Variants in EP400 observed in about 807,000 individuals in gnomAD.
EP400 encodes the protein E1A-binding protein p400.
In EP400, 105 loss-of-function variants were observed where a neutral mutation model predicts 354.1. The ratio of observed to expected loss-of-function variants is 0.30; its 90% CI spans 0.25 to 0.35. The LOEUF is 0.35. EP400 is among the 10% of genes least tolerant of loss of function. The probability of loss-of-function intolerance (pLI) is 1.00; values close to 1 mark genes in which losing one functional copy is unlikely to be tolerated. For missense variants in EP400, 3,280 were observed against 4,121.0 expected, an observed-to-expected ratio of 0.80 and a Z score of 5.59; for synonymous variants, 1,646 against 1,716.9, an observed-to-expected ratio of 0.96 and a Z score of 1.02.
In EP400 at chr12:132,054,631, G is replaced by A. The variant is rs1895420250; in HGVS notation, c.7729-343G>A. On this transcript the variant is annotated intron_variant, in intron 43 of 52. Coordinates refer to ENST00000389561, the MANE Select transcript of EP400 (RefSeq NM_015409.5). This position sits in a 1 kb window ranked among gnomAD's most constrained non-coding sequence, Gnocchi z 4.0. Reference sequence around the variant, plus strand: ...AGAGGCCCTGAGCTTGGCTGATATGGGGGCCAGAAAGCTCAGTGTGGCTGG... The same window carrying A: ...AGAGGCCCTGAGCTTGGCTGATATGAGGGCCAGAAAGCTCAGTGTGGCTGG... 6.6e-6 allele frequency among the ~76,000 whole-genome samples: 1 copy of A among 152,174 alleles called. No homozygotes were observed. Among genetic ancestry groups the A allele is most frequent in the South Asian group, 2.1e-4 (1 of 4,822 alleles).
Position 132,017,255 on chromosome 12 carries a change from C to G in EP400, c.3924-280C>G, listed in dbSNP as rs1893974341. ...TCATCCCCCTTGGATGCCCCCACTTCTCTTTCAGAGCACTCGGTATGATTG... is the reference window on the plus strand; with the variant it reads ...TCATCCCCCTTGGATGCCCCCACTTGTCTTTCAGAGCACTCGGTATGATTG... On this transcript the variant is annotated intron_variant, in intron 19 of 52. Coordinates refer to ENST00000389561, the MANE Select transcript of EP400 (RefSeq NM_015409.5). This position sits in a 1 kb window ranked among gnomAD's most constrained non-coding sequence, Gnocchi z 5.0. Among the ~76,000 whole-genome samples, 1 of 152,246 alleles carries G rather than the reference C, an allele frequency of 6.6e-6. No individual in the cohort carries two copies. The highest frequency in any genetic ancestry group is 1.5e-5 in the Non-Finnish European group (1 of 68,042).
intron 32 of EP400, among the ~76,000 whole-genome samples, chr12:132,040,235 T>C (rs934782920): frequency 2.0e-5 from 3 of 151,902 alleles, no homozygotes; most frequent in African/African-American, 7.3e-5. Context: ...GGCGAGGACA[T>C]GGAGGAAAGG....
intron 47 of EP400, 99 bp from the exon 48 acceptor site, chr12:132,064,569 A>G: frequency 6.8e-7 from 1 of 1,477,328 alleles, no homozygotes; most frequent in Non-Finnish European, 9.1e-7. Context: ...CTGCTTTGGT[A>G]TTTAATGGGC....
chr12:131,952,087 C>T (rs1891523627), intron 1 of EP400, among the ~76,000 whole-genome samples: 1 of 150,220 alleles, frequency 6.7e-6, no homozygotes, highest in Non-Finnish European at 1.5e-5. Flanking sequence ...TGCACCTGGC[C>T]TTTTTTTTTG....
chr12:131,995,047 C>A, intron 12 of EP400, 91 bp downstream of exon 12: 1 of 1,218,884 alleles, frequency 8.2e-7, no homozygotes, highest in Non-Finnish European at 1.2e-6. Flanking sequence ...TGAGTAACAA[C>A]AGCAGCAGTG....
chr12:131,967,472 GA>G (rs1892141001), intron 2 of EP400, among the ~76,000 whole-genome samples: 1 of 151,936 alleles, frequency 6.6e-6, no homozygotes, highest in Admixed American at 6.6e-5. Context: ...CAGATCAGTT[GA>G]GGCCAGGAGT....
chr12:132,070,055 T>C lies in EP400; in HGVS notation c.9021+414T>C, dbSNP rs571155970. Among the ~76,000 whole-genome samples the C allele has an allele frequency of 4.6e-5, 7 of 152,324 alleles. No individual in the cohort carries two copies. Among genetic ancestry groups the C allele is most frequent in the African/African-American group, 1.7e-4 (7 of 41,564 alleles). ...TGAGTTCCTGATTTCATGTGTGCAG[T>C]GTGCCCTCCCGTCTTCCTCTCTGCC... is the stretch of plus-strand genomic sequence containing the variant. On this transcript the variant is annotated intron_variant, in intron 51 of 52. Transcript: ENST00000389561. The surrounding 1 kb of genome is among the most constrained non-coding windows in gnomAD (Gnocchi z 4.1).
In EP400 at chr12:132,038,056, C is replaced by T. The variant is rs201643385; in HGVS notation, c.6167C>T (p.Thr2056Met). ...GTGCTTTCTCAGGAACCTTCTGTCA[C>T]GGAAACCATTGCACCCAAAATTGCA... ...FVVLSQEPSV[T>M]ETIAPKIARP... Residue 2056 changes from threonine to methionine, a missense_variant, in exon 32 of 53, where the codon ACG becomes ATG. Coordinates refer to ENST00000389561, the MANE Select transcript of EP400 (RefSeq NM_015409.5). This position sits in a 1 kb window ranked among gnomAD's most constrained non-coding sequence, Gnocchi z 4.2. 1.8e-5 allele frequency: 29 copies of T among 1,614,064 alleles called. No homozygotes were observed. The highest frequency in any genetic ancestry group is 6.7e-5 in the East Asian group (3 of 44,896).
At position 132,013,315 on chromosome 12, in the gene EP400, A is replaced by G. The variant is rs968506815; in HGVS notation, c.3611+137A>G. The G allele has an allele frequency of 7.8e-6, 11 of 1,416,378 alleles. No individual in the cohort carries two copies. The highest frequency in any genetic ancestry group is 1.0e-5 in the Non-Finnish European group (11 of 1,058,708). 87.7% of individuals were successfully genotyped at this position (1,416,378 alleles called of 1,614,324 possible). ...TTGCTTTTCATCTTCATCCCAGCAC[A>G]TGGGCCAGAGAGCCCCAGAGCTGGG... On this transcript the variant is annotated intron_variant, in intron 17 of 52. Transcript: ENST00000389561. The surrounding 1 kb of genome is among the most constrained non-coding windows in gnomAD (Gnocchi z 4.5).
chr12:131,985,782 AT>A (rs1892834378), intron 5 of EP400, among the ~76,000 whole-genome samples: 1 of 151,860 alleles, frequency 6.6e-6, no homozygotes, highest in Non-Finnish European at 1.5e-5. Flanking sequence ...CTAATTTTGT[AT>A]TTTTAGTAGA....
rs1389100849 is a variant in EP400, at chr12:132,070,320, G to A, written c.9021+679G>A. ...GATAGAAACAGGAATTCAATTTGATGTGCTCTATGAATACCCTATTTTCAG... is the reference window on the plus strand; with the variant it reads ...GATAGAAACAGGAATTCAATTTGATATGCTCTATGAATACCCTATTTTCAG... On this transcript the variant is annotated intron_variant, in intron 51 of 52. Coordinates refer to ENST00000389561, the MANE Select transcript of EP400 (RefSeq NM_015409.5). This position sits in a 1 kb window ranked among gnomAD's most constrained non-coding sequence, Gnocchi z 4.1. Among the ~76,000 whole-genome samples, 1 of 152,214 alleles carries A rather than the reference G, an allele frequency of 6.6e-6. No homozygotes were observed. Among genetic ancestry groups the A allele is most frequent in the Non-Finnish European group, 1.5e-5 (1 of 68,038 alleles).
chr12:131,998,168 A>C (rs964185997), intron 12 of EP400, among the ~76,000 whole-genome samples: 1 of 152,246 alleles, frequency 6.6e-6, no homozygotes, highest in East Asian at 1.9e-4. Context: ...CTGATACCAC[A>C]CTGTCTTTCT....
Position 131,960,889 on chromosome 12 carries a change from A to G in EP400, c.270A>G (p.Thr90=), listed in dbSNP as rs1394862123. The G allele has an allele frequency of 4.3e-6, 7 of 1,613,704 alleles. No individual in the cohort carries two copies. In the Admixed American group the frequency reaches 5.0e-5, roughly 12 times the overall value. The change falls in exon 2 of 53, where the codon ACA becomes ACG. Residue 90 remains threonine, a synonymous_variant. Coordinates refer to ENST00000389561, the MANE Select transcript of EP400 (RefSeq NM_015409.5). ...GPVVGGNQQI[T]LAPLPLPSPT... ...TCGTCGGGGGAAACCAGCAGATCAC[A>G]CTGGCCCCACTGCCGCTCCCCAGCC... is the stretch of plus-strand genomic sequence containing the variant.
At chr12:132,044,071 A>G in intron 34 of EP400, 106 bp from the exon 35 acceptor site, 1 of 1,477,672 alleles carries the variant, frequency 6.8e-7, no homozygotes, top group Non-Finnish European at 9.2e-7. Context: ...CAGTGTGTGT[A>G]GAGAACATGT....
Position 132,045,417 on chromosome 12 carries a change from G to C in EP400, c.6883G>C (p.Glu2295Gln). The C allele has an allele frequency of 6.2e-7, 1 of 1,614,248 alleles. No homozygotes were observed. Among genetic ancestry groups the C allele is most frequent in the East Asian group, 2.2e-5 (1 of 44,880 alleles). Residue 2295 changes from glutamate to glutamine, a missense_variant, in exon 38 of 53, where the codon GAG becomes CAG. Coordinates refer to ENST00000389561, the MANE Select transcript of EP400 (RefSeq NM_015409.5). ...ATPGLLKIRR[E>Q]GKEQKKNILL... is the part of the protein sequence containing the mutation. Reference sequence around the variant, plus strand: ...ACCAGGACTTCTGAAAATTCGCAGAGAGGGCAAGGAGCAGAAGAAGAATAT... The same window carrying C: ...ACCAGGACTTCTGAAAATTCGCAGACAGGGCAAGGAGCAGAAGAAGAATAT...
rs1332625545 is a variant in EP400 at position 132,079,101 on chromosome 12, G to T, written c.*1428G>T. On this transcript the variant is annotated 3_prime_UTR_variant, in exon 53 of 53. Transcript: ENST00000389561. ...AATAAAGATTTTCTGTTTTTAAATT[G>T]TATTTCATCTGCTTCCTCCCCATTC... 1.3e-5 allele frequency: 2 copies of T among 152,262 alleles called. No individual in the cohort carries two copies. The highest frequency in any genetic ancestry group is 1.9e-4 in the East Asian group (1 of 5,176). 9.4% of individuals were successfully genotyped at this position (152,262 alleles called of 1,614,324 possible).
At chr12:132,031,082 T>C (rs917951684) in intron 29 of EP400, 7 of 412,230 alleles carry the variant, frequency 1.7e-5, no homozygotes, top group African/African-American at 1.2e-4. Context: ...ATCTGTAGAA[T>C]GCCTGGAAGG....
chr12:132,007,555 C>T (rs1358312965), intron 15 of EP400, among the ~76,000 whole-genome samples: 2 of 152,208 alleles, frequency 1.3e-5, no homozygotes, highest in African/African-American at 4.8e-5. Flanking sequence ...GTCAAGTGCC[C>T]ACCCTAGTCT....
intron 7 of EP400, among the ~76,000 whole-genome samples, chr12:131,989,320 A>G (rs1004962736): frequency 1.3e-5 from 2 of 152,236 alleles, no homozygotes; most frequent in African/African-American, 2.4e-5. Context: ...CACCCCGATC[A>G]GGGCCTGTGT....
Sources: allele counts gnomAD v4.1 joint callset (sites outside exome capture counted in the v4.1 genomes callset), GRCh38; gene constraint gnomAD v4.1.1; non-coding constraint Gnocchi (gnomAD v3.1); transcripts MANE v1.5; gene names NCBI Gene and HGNC (gene_info 2026-07-23, HGNC 2026-07-21).